Variants in CIMAP1D observed in about 807,000 individuals in gnomAD.
CIMAP1D encodes the protein protein CIMAP1D.
At chr19:479,213 T>C in the CIMAP1D span, among the ~76,000 whole-genome samples, 1 of 152,230 alleles carries the variant, frequency 6.6e-6, no homozygotes, top group African/African-American at 2.4e-5. Flanking sequence ...GCACAAATGT[T>C]TCCTACGATT....
At chr19:488,143 G>A in the CIMAP1D span, among the ~76,000 whole-genome samples, 3 of 152,088 alleles carry the variant, frequency 2.0e-5, no homozygotes, top group South Asian at 2.1e-4. Context: ...CGATGGCCCC[G>A]GCCGAATAAA....
chr19:489,062 C>T, the CIMAP1D span: 1 of 152,140 alleles, frequency 6.6e-6, no homozygotes, highest in East Asian at 1.9e-4. Flanking sequence ...CGCCCCGGCG[C>T]CCCGCGCTCC....
At chr19:474,588 A>G in the CIMAP1D span, 71,164 of 1,464,042 alleles carry the variant, frequency 0.049, 5,409 homozygotes, top group African/African-American at 0.28. Context: ...GAGCAGGAAA[A>G]GGTCCCACCC....
the CIMAP1D span, among the ~76,000 whole-genome samples, chr19:472,108 G>A: frequency 6.6e-6 from 1 of 152,190 alleles, no homozygotes; most frequent in Non-Finnish European, 1.5e-5. Flanking sequence ...CCTGAGTCCA[G>A]GCAGCAAGGA....
chr19:463,855 G>A, the CIMAP1D span: 6,068 of 1,608,700 alleles, frequency 3.8e-3, 189 homozygotes, highest in African/African-American at 0.071. Flanking sequence ...TAGCAGCAGC[G>A]GCCGGGCAGC....
chr19:486,637 G>A, the CIMAP1D span, among the ~76,000 whole-genome samples: 33 of 151,844 alleles, frequency 2.2e-4, no homozygotes, highest in South Asian at 2.7e-3. Context: ...AGATGGGGCC[G>A]GGAGCGGTGG....
the CIMAP1D span, among the ~76,000 whole-genome samples, chr19:465,558 G>A: frequency 2.1e-5 from 3 of 145,386 alleles, no homozygotes; most frequent in Non-Finnish European, 4.5e-5. Context: ...TGGATAGATG[G>A]ATGAGTGGAT....
chr19:479,873 C>T, the CIMAP1D span, among the ~76,000 whole-genome samples: 3,297 of 151,520 alleles, frequency 0.022, 80 homozygotes, highest in South Asian at 0.073. Context: ...TTCTTCCCCA[C>T]GTTGCCCTTC....
chr19:481,584 G>A, the CIMAP1D span, among the ~76,000 whole-genome samples: 1 of 150,260 alleles, frequency 6.7e-6, no homozygotes, highest in Non-Finnish European at 1.5e-5. Flanking sequence ...GAAGGATGAT[G>A]GAGAAGGATG....
chr19:484,116 T>C, the CIMAP1D span, among the ~76,000 whole-genome samples: 1 of 151,348 alleles, frequency 6.6e-6, no homozygotes, highest in Non-Finnish European at 1.5e-5. Context: ...GTTTTATTTA[T>C]TTTTTTCTTT....
chr19:484,500 G>A, the CIMAP1D span, among the ~76,000 whole-genome samples: 321 of 152,302 alleles, frequency 2.1e-3, no homozygotes, highest in Middle Eastern at 0.01. Context: ...GTGCAGTGAC[G>A]TGATCACAGA....
At chr19:464,084 C>T in the CIMAP1D span, 44 of 1,531,630 alleles carry the variant, frequency 2.9e-5, no homozygotes, top group South Asian at 5.9e-5. Context: ...TGTTTGCGTC[C>T]GGGCTGTCGT....
chr19:471,806 C>A, the CIMAP1D span, among the ~76,000 whole-genome samples: 1 of 151,622 alleles, frequency 6.6e-6, no homozygotes, highest in Non-Finnish European at 1.5e-5. Context: ...GCAGTGGCGC[C>A]ATCTCGGCTC....
chr19:484,384 G>A, the CIMAP1D span, among the ~76,000 whole-genome samples: 23,035 of 151,870 alleles, frequency 0.15, 3,701 homozygotes, highest in African/African-American at 0.4. Flanking sequence ...CAGGTGATCC[G>A]CCCGCCTTGG....
At chr19:469,175 G>A in the CIMAP1D span, among the ~76,000 whole-genome samples, 4 of 151,898 alleles carry the variant, frequency 2.6e-5, no homozygotes, top group East Asian at 1.9e-4. Flanking sequence ...CCTTCCCCAG[G>A]CCCTGGGCAA....
the CIMAP1D span, chr19:467,870 G>C: frequency 1.2e-5 from 8 of 682,392 alleles, no homozygotes; most frequent in South Asian, 1.3e-4. Context: ...CCAGGTCAGA[G>C]GCCACCCCAG....
At chr19:479,414 G>T in the CIMAP1D span, among the ~76,000 whole-genome samples, 28 of 114,798 alleles carry the variant, frequency 2.4e-4, no homozygotes, top group African/African-American at 5.9e-4. Flanking sequence ...TTTTTTTTGG[G>T]GGGGGGGGGG....
At chr19:484,288 G>C in the CIMAP1D span, among the ~76,000 whole-genome samples, 27 of 151,928 alleles carry the variant, frequency 1.8e-4, no homozygotes, top group African/African-American at 6.5e-4. Context: ...TTACAGGTGT[G>C]CGCCACCACG....
the CIMAP1D span, chr19:475,107 G>A: frequency 3.8e-5 from 8 of 212,006 alleles, no homozygotes; most frequent in Non-Finnish European, 7.5e-5. Context: ...CTGCAAACAT[G>A]ACACCCACAG....
Sources: allele counts gnomAD v4.1 joint callset (sites outside exome capture counted in the v4.1 genomes callset), GRCh38; gene constraint gnomAD v4.1.1; transcripts MANE v1.5; gene names NCBI Gene and HGNC (gene_info 2026-07-23, HGNC 2026-07-21).